Variants in XPNPEP3 observed in about 807,000 individuals in gnomAD.
XPNPEP3 encodes the protein xaa-Pro aminopeptidase 3.
XPNPEP3 carries 41 observed loss-of-function variants against 60.0 expected under a neutral mutation model. That is an observed-to-expected ratio of 0.68 (90% CI 0.53 to 0.89). XPNPEP3 has a LOEUF of 0.89. XPNPEP3 is among the 40% of genes least tolerant of loss of function. XPNPEP3 has a pLI of 0.00. For missense variants in XPNPEP3, 598 were observed against 638.9 expected (o/e 0.94, Z 0.69); for synonymous variants, 212 against 223.2 (o/e 0.95, Z 0.45).
At chr22:40,866,981 A>G (rs2057981498) in intron 1 of XPNPEP3, among the ~76,000 whole-genome samples, 1 of 152,240 alleles carries the variant, frequency 6.6e-6, no homozygotes, top group African/African-American at 2.4e-5. Context: ...TGTGTGCATG[A>G]GTACGTGTGC....
At chr22:40,859,510 G>C (rs1414506532) in intron 1 of XPNPEP3, 1 of 151,952 alleles carries the variant, frequency 6.6e-6, no homozygotes, top group Non-Finnish European at 1.5e-5. Context: ...CATGATAACA[G>C]ATAAACTCTA....
At position 40,925,794 on chromosome 22, in the gene XPNPEP3, G is replaced by A. The variant is rs562168396; in HGVS notation, c.1358-475G>A. Among the ~76,000 whole-genome samples the A allele has an allele frequency of 2.0e-5, 3 of 152,248 alleles. No homozygotes were observed. The South Asian group carries it at 6.2e-4, about 32-fold the overall frequency. ...GTCTCTGCAGCTTCCAGTTGTCAAG[G>A]CTAATAATCTCTAAATGTTTCTTTG... On this transcript the variant is annotated intron_variant, in intron 9 of 9. Transcript: ENST00000357137.
chr22:40,867,640 G>C (rs1377471817), intron 1 of XPNPEP3, among the ~76,000 whole-genome samples: 3 of 151,972 alleles, frequency 2.0e-5, no homozygotes, highest in African/African-American at 7.3e-5. Context: ...GCACATACCT[G>C]TAGTCCCAGC....
intron 2 of XPNPEP3, among the ~76,000 whole-genome samples, chr22:40,872,670 C>G (rs376144726): frequency 6.6e-6 from 1 of 151,992 alleles, no homozygotes; most frequent in Non-Finnish European, 1.5e-5. Context: ...AGGCTAGTCT[C>G]GAACTCCTGA....
At chr22:40,859,749 G>A (rs982110320) in intron 1 of XPNPEP3, 9 of 151,758 alleles carry the variant, frequency 5.9e-5, no homozygotes, top group South Asian at 2.1e-4. Context: ...TTCTAATTTC[G>A]CATTTGTATT....
intron 7 of XPNPEP3, among the ~76,000 whole-genome samples, chr22:40,918,029 A>G (rs866351197): frequency 2.4e-4 from 36 of 148,480 alleles, no homozygotes; most frequent in African/African-American, 9.3e-4. Context: ...AAAAAAAAAA[A>G]TCTGTAAATA....
At chr22:40,861,137 G>A in intron 1 of XPNPEP3, 1 of 1,613,588 alleles carries the variant, frequency 6.2e-7, no homozygotes, top group Non-Finnish European at 8.5e-7. Flanking sequence ...CACCCTCTTT[G>A]ACTCCTGCTG....
intron 4 of XPNPEP3, among the ~76,000 whole-genome samples, chr22:40,891,567 C>T (rs928705980): frequency 6.6e-5 from 10 of 151,818 alleles, no homozygotes; most frequent in African/African-American, 2.2e-4. Context: ...GCAGGGGAAT[C>T]GCTCGAACCT....
intron 2 of XPNPEP3, among the ~76,000 whole-genome samples, chr22:40,871,376 C>T (rs562249730): frequency 2.0e-5 from 3 of 152,118 alleles, no homozygotes; most frequent in South Asian, 4.1e-4. Context: ...AAGTCTCTTA[C>T]GCAGTTGGCT....
At chr22:40,915,804 T>C (rs1403432435) in intron 7 of XPNPEP3, among the ~76,000 whole-genome samples, 1 of 152,202 alleles carries the variant, frequency 6.6e-6, no homozygotes, top group Admixed American at 6.5e-5. Flanking sequence ...GGCTGATTAC[T>C]GAACTATGTG....
At chr22:40,862,349 C>G (rs2057955370) in intron 1 of XPNPEP3, 1 of 1,016,856 alleles carries the variant, frequency 9.8e-7, no homozygotes, top group African/African-American at 1.7e-5. Flanking sequence ...CCAATGGAAT[C>G]TGTTGCTAAT....
At position 40,862,780 on chromosome 22, in the gene XPNPEP3, T is replaced by A. The variant is rs552420478; in HGVS notation, c.64+5535T>A. The A allele has an allele frequency of 9.1e-6, 9 of 983,764 alleles. No individual in the cohort carries two copies. The South Asian group carries it at 4.2e-4, about 46-fold the overall frequency. 60.9% of individuals were successfully genotyped at this position (983,764 alleles called of 1,614,324 possible). Reference sequence around the variant, plus strand: ...AAGTTGTGTGTTTATGTATTCACTGTATAATTATTGATTGTCTACTTTGTG... The same window carrying A: ...AAGTTGTGTGTTTATGTATTCACTGAATAATTATTGATTGTCTACTTTGTG... On this transcript the variant is annotated intron_variant, in intron 1 of 9. Transcript: ENST00000357137.
Position 40,869,111 on chromosome 22 carries a change from A to T in XPNPEP3, c.177A>T (p.Arg59Ser). Residue 59 changes from arginine (R) to serine (S), a missense_variant, in exon 2 of 10, where the codon AGA (arginine) becomes AGT (serine). Transcript: ENST00000357137. ...CCTTTACACACCCACACCTCCTCAG[A>T]CCAGGTAAGGCCTTTTAACTGTGCT... Reference protein sequence around the residue: ...PSPFTHPHLLRPGEVTPGLSQ... With the variant: ...PSPFTHPHLLSPGEVTPGLSQ... 4.3e-6 allele frequency: 7 copies of T among 1,613,358 alleles called. No homozygotes were observed. Among genetic ancestry groups the T allele is most frequent in the Non-Finnish European group, 5.1e-6 (6 of 1,179,396 alleles).
At position 40,915,898 on chromosome 22, in the gene XPNPEP3, G is replaced by T. The variant is rs539014009; in HGVS notation, c.1055+1574G>T. 2.6e-5 allele frequency among the ~76,000 whole-genome samples: 4 copies of T among 152,326 alleles called. No individual in the cohort carries two copies. The South Asian group carries it at 8.3e-4, about 32-fold the overall frequency. Reference sequence around the variant, plus strand: ...GAGCAGAGATTTTAGTTGCTTCCCAGTGAGAACAGAGTTTGTAGTTTGAAG... The same window carrying T: ...GAGCAGAGATTTTAGTTGCTTCCCATTGAGAACAGAGTTTGTAGTTTGAAG... On this transcript the variant is annotated intron_variant, in intron 7 of 9. Transcript: ENST00000357137.
intron 2 of XPNPEP3, among the ~76,000 whole-genome samples, chr22:40,875,995 A>G (rs969506727): frequency 1.3e-5 from 2 of 152,146 alleles, no homozygotes; most frequent in South Asian, 4.1e-4. Context: ...GCTCCAGCCT[A>G]GGCAACAGAG....
intron 3 of XPNPEP3, among the ~76,000 whole-genome samples, chr22:40,882,910 T>G (rs778457717): frequency 6.6e-6 from 1 of 152,122 alleles, no homozygotes; most frequent in Non-Finnish European, 1.5e-5. Flanking sequence ...GTTTGAAATC[T>G]CACAGAGAAT....
intron 1 of XPNPEP3, among the ~76,000 whole-genome samples, chr22:40,866,404 G>C (rs1440458552): frequency 6.6e-6 from 1 of 151,994 alleles, no homozygotes; most frequent in Non-Finnish European, 1.5e-5. Context: ...AGAAGAGTAA[G>C]AGAAGTCTCT....
At position 40,924,428 on chromosome 22, in the gene XPNPEP3, G is replaced by C. The variant is rs1358171073; in HGVS notation, c.1303G>C (p.Asp435His). ...CGGGATGGATGTCCATGACACTCCA[G>C]ACATGCCCCGTTCCCTCCCTCTGCA... The part of the protein sequence containing the change: ...YLGMDVHDTP[D>H]MPRSLPLQPG... The change falls in exon 9 of 10, where the codon GAC becomes CAC. Residue 435 changes from aspartate to histidine, a missense_variant. Asp to His is a moderately conservative substitution (Grantham distance 81). Transcript: ENST00000357137. The C allele has an allele frequency of 6.2e-7, 1 of 1,614,054 alleles. No individual in the cohort carries two copies. Among genetic ancestry groups the C allele is most frequent in the Non-Finnish European group, 8.5e-7 (1 of 1,180,042 alleles).
intron 2 of XPNPEP3, among the ~76,000 whole-genome samples, chr22:40,878,626 G>A (rs539898615): frequency 1.3e-5 from 2 of 148,798 alleles, no homozygotes; most frequent in East Asian, 3.9e-4. Context: ...TTACTCTGTC[G>A]CTCAGGCCGG....
Sources: gnomAD v4.1 joint callset for allele counts (sites outside exome capture counted in the v4.1 genomes callset) on GRCh38, gnomAD v4.1.1 for gene constraint, MANE v1.5 for transcripts, NCBI Gene and HGNC (gene_info 2026-07-23, HGNC 2026-07-21) for gene names.